FHIP2A: variants seen among roughly 807,000 people sequenced by gnomAD.
FHIP2A encodes the protein FHF complex subunit HOOK interacting protein 2A, also known as family with sequence similarity 160 member B1.
A neutral mutation model predicts 93.5 loss-of-function variants in FHIP2A; 46 were observed. The observed-to-expected ratio is 0.49, with a 90% CI of 0.39 to 0.63. The LOEUF (loss-of-function observed/expected upper bound fraction) is 0.63, where lower values mean the gene tolerates loss of function less well. Among genes scored for constraint, FHIP2A ranks in the 20% least tolerant of loss-of-function variants. The pLI is 0.00. For missense variants in FHIP2A, 769 were observed against 909.7 expected (o/e 0.85, Z 1.99); for synonymous variants, 332 against 326.5 (o/e 1.02, Z -0.18).
chr10:114,895,433 G>T (rs1412111489), intron 16 of FHIP2A, among the ~76,000 whole-genome samples: 1 of 152,074 alleles, frequency 6.6e-6, no homozygotes, highest in Non-Finnish European at 1.5e-5. Flanking sequence ...TCCCTTAATA[G>T]GGCCATTTAT....
intron 15 of FHIP2A, among the ~76,000 whole-genome samples, 157 bp from the exon 16 acceptor site, chr10:114,861,074 G>T (rs1361976331): frequency 6.6e-6 from 1 of 152,084 alleles, no homozygotes; most frequent in Non-Finnish European, 1.5e-5. Context: ...TTATTTTAAA[G>T]AATTAGGTAT....
intron 1 of FHIP2A, among the ~76,000 whole-genome samples, chr10:114,827,597 A>G (rs1288738493): frequency 1.3e-5 from 2 of 152,178 alleles, no homozygotes; most frequent in African/African-American, 2.4e-5. Context: ...GGAGATCGAG[A>G]CCATCCTGGC....
At chr10:114,847,729 C>G (rs2083710128) in intron 12 of FHIP2A, among the ~76,000 whole-genome samples, 1 of 150,496 alleles carries the variant, frequency 6.6e-6, no homozygotes, top group Non-Finnish European at 1.5e-5. Flanking sequence ...TTAAATGAAC[C>G]CTCAAAGTTC....
At position 114,878,795 on chromosome 10, in the gene FHIP2A, G is replaced by GAAAA. The variant is rs1263581919; in HGVS notation, c.2192+17464_2192+17465insAAAA. ...CGCCTCAAAAAAAAAAAAAAAAAAA[G>GAAAA]AAAGAAAGAAAGAAAGAAAAGAAGC... is the stretch of plus-strand genomic sequence containing the variant. On this transcript the variant is annotated intron_variant, in intron 16 of 16. Coordinates refer to the FHIP2A transcript ENST00000369250. Among the ~76,000 whole-genome samples the GAAAA allele has an allele frequency of 6.5e-4, 88 of 136,432 alleles. 1 individual carries two copies. The South Asian group carries it at 0.018, about 28-fold the overall frequency. The allele number at this position is 136,432 out of a possible 152,430, so 89.5% of individuals were successfully genotyped here.
chr10:114,899,592 T>C, exon 17 of FHIP2A: 3 of 715,260 alleles, frequency 4.2e-6, no homozygotes, highest in South Asian at 1.5e-5. Flanking sequence ...ACAAAAAATC[T>C]TGGGCCTTGG....
intron 16 of FHIP2A, among the ~76,000 whole-genome samples, chr10:114,875,898 GAAAT>G (rs1282675727): frequency 9.3e-5 from 4 of 42,810 alleles, no homozygotes; most frequent in Admixed American, 2.5e-4. Flanking sequence ...GAGAGAGAAA[GAAAT>G]AAAGAAAGAG....
intron 1 of FHIP2A, among the ~76,000 whole-genome samples, chr10:114,824,698 A>G (rs1301960114): frequency 6.6e-6 from 1 of 152,134 alleles, no homozygotes; most frequent in Non-Finnish European, 1.5e-5. Context: ...GTTAGTTTCC[A>G]GTTATTCAGT....
rs138422469 is a variant in FHIP2A, at chr10:114,861,505, G to A, written c.2263G>A (p.Ala755Thr). Residue 755 changes from alanine (A) to threonine (T), a missense_variant, in exon 17 of 17, where the codon GCA becomes ACA. Physicochemically the swap from Ala to Thr is moderately conservative, Grantham distance 58. Transcript: ENST00000369248. ...EEFCKELAAIAFVKYHASSTP is the reference protein window; with the variant it reads ...EEFCKELAAITFVKYHASSTP ...GTTCTGTAAGGAGCTGGCGGCAATC[G>A]CATTTGTAAAATATCATGCTTCCTC... 8.1e-6 allele frequency: 13 copies of A among 1,613,762 alleles called. No homozygotes were observed. Among genetic ancestry groups the A allele is most frequent in the Admixed American group, 3.3e-5 (2 of 59,998 alleles).
intron 13 of FHIP2A, among the ~76,000 whole-genome samples, chr10:114,849,216 G>A (rs575782135): frequency 4.3e-4 from 64 of 148,902 alleles, no homozygotes; most frequent in African/African-American, 1.1e-3. Context: ...GCACTTCACC[G>A]ATTGTGTGTC....
In FHIP2A at chr10:114,861,434, G is replaced by A; in HGVS notation, c.2193-1G>A. The A allele has an allele frequency of 6.2e-7, 1 of 1,613,998 alleles. No homozygotes were observed. The highest frequency in any genetic ancestry group is 1.3e-5 in the African/African-American group (1 of 75,026). ...TTTATTGTCTGTTTTTTCCTTACCAGTATTGACCACATCACACTGCTAGAG... is the reference window on the plus strand; with the variant it reads ...TTTATTGTCTGTTTTTTCCTTACCAATATTGACCACATCACACTGCTAGAG... On this transcript the variant is annotated splice_acceptor_variant, in intron 16 of 16. Coordinates refer to ENST00000369248, the MANE Select transcript of FHIP2A (RefSeq NM_020940.4). LOFTEE classifies it high-confidence loss of function.
At chr10:114,873,699 C>A (rs1384027011) in intron 16 of FHIP2A, among the ~76,000 whole-genome samples, 1 of 152,160 alleles carries the variant, frequency 6.6e-6, no homozygotes, top group Non-Finnish European at 1.5e-5. Context: ...GGTTTTGTTG[C>A]TCAAATTGTT....
At chr10:114,857,314 C>CTTTT (rs78583275) in intron 14 of FHIP2A, among the ~76,000 whole-genome samples, 4 of 120,706 alleles carry the variant, frequency 3.3e-5, no homozygotes, top group Non-Finnish European at 7.2e-5. Flanking sequence ...ATTTCTTCTT[C>CTTTT]TTTTTTTTTT....
In FHIP2A at chr10:114,835,474, T is replaced by C. The variant is rs2143010355; in HGVS notation, c.295-63T>C. 3.1e-6 allele frequency: 3 copies of C among 971,202 alleles called. No homozygotes were observed. The East Asian group carries it at 7.3e-5, about 24-fold the overall frequency. The allele number at this position is 971,202 out of a possible 1,614,324, so 60.2% of individuals were successfully genotyped here. On this transcript the variant is annotated intron_variant, in intron 3 of 16. Coordinates refer to ENST00000369248, the MANE Select transcript of FHIP2A (RefSeq NM_020940.4). Reference sequence around the variant, plus strand: ...ATTGTCTCTCCAATTTTTTAAGCTTTTCAGTAAATGTGTTTGCATTGTCTG... The same window carrying C: ...ATTGTCTCTCCAATTTTTTAAGCTTCTCAGTAAATGTGTTTGCATTGTCTG...
chr10:114,846,051 A>G lies in FHIP2A; in HGVS notation c.1167A>G (p.Arg389=). The G allele has an allele frequency of 6.2e-7, 1 of 1,613,904 alleles. No individual in the cohort carries two copies. The highest frequency in any genetic ancestry group is 1.1e-5 in the South Asian group (1 of 91,066). ...AVALAKAVHE[R]FFIGVMEPQL... ...CTCTTGCCAAAGCTGTTCATGAAAG[A>G]TTTTTCATTGGTGTTATGGAACCTC... Residue 389 remains arginine (R), a synonymous_variant, in exon 9 of 17, where the codon AGA becomes AGG. Transcript: ENST00000369248.
chr10:114,894,810 G>C (rs544231492), intron 16 of FHIP2A, among the ~76,000 whole-genome samples: 1 of 152,232 alleles, frequency 6.6e-6, no homozygotes, highest in Middle Eastern at 3.4e-3. Flanking sequence ...AACTGGGAAC[G>C]ACCTAGAGTG....
chr10:114,885,229 T>C (rs1318319803), intron 16 of FHIP2A, among the ~76,000 whole-genome samples: 1 of 151,940 alleles, frequency 6.6e-6, no homozygotes, highest in Non-Finnish European at 1.5e-5. Flanking sequence ...ATCCCGTCTC[T>C]ACTAAAAATA....
intron 16 of FHIP2A, among the ~76,000 whole-genome samples, chr10:114,894,113 C>T (rs903345276): frequency 6.6e-6 from 1 of 152,106 alleles, no homozygotes; most frequent in Non-Finnish European, 1.5e-5. Flanking sequence ...TAAATGTCAT[C>T]TGAAAAGTTT....
chr10:114,843,280 T>G, intron 6 of FHIP2A, 54 bp downstream of exon 6: 1 of 1,105,060 alleles, frequency 9.0e-7, no homozygotes, highest in Non-Finnish European at 1.2e-6. Context: ...TAATGTGTAT[T>G]TATTTATTTT....
At chr10:114,866,494 A>AT (rs1314973646), downstream of FHIP2A, among the ~76,000 whole-genome samples, 1 of 152,198 alleles carries the variant, frequency 6.6e-6, no homozygotes, top group Non-Finnish European at 1.5e-5. Context: ...TGATTGGACT[A>AT]TTGTGGGCAT....
Sources: gnomAD v4.1 joint callset for allele counts (sites outside exome capture counted in the v4.1 genomes callset) on GRCh38, gnomAD v4.1.1 for gene constraint, MANE v1.5 for transcripts, NCBI Gene and HGNC (gene_info 2026-07-23, HGNC 2026-07-21) for gene names.